The following MEIKIN variants were observed in gnomAD, a reference collection of about 807,000 sequenced individuals.
The protein encoded by MEIKIN is meiosis-specific kinetochore protein.
chr5:131,905,865 ACAGAAATTAACT>A (rs1479212010), intron 8 of MEIKIN, among the ~76,000 whole-genome samples: 1 of 152,200 alleles, frequency 6.6e-6, no homozygotes, highest in Non-Finnish European at 1.5e-5. Context: ...TACACCATAA[ACAGAAATTAACT>A]CAAGATGGAT....
intron 5 of MEIKIN, among the ~76,000 whole-genome samples, chr5:131,923,436 T>C (rs1751539014): frequency 1.3e-5 from 2 of 152,118 alleles, no homozygotes; most frequent in African/African-American, 4.8e-5. Flanking sequence ...ACTCCTATTA[T>C]TTGATGTTGG....
chr5:131,905,533 C>A (rs1245697715), intron 8 of MEIKIN, among the ~76,000 whole-genome samples: 1 of 151,734 alleles, frequency 6.6e-6, no homozygotes, highest in Non-Finnish European at 1.5e-5. Flanking sequence ...TCTGATAGAC[C>A]ACTAGCTAGA....
intron 5 of MEIKIN, among the ~76,000 whole-genome samples, chr5:131,925,226 A>C (rs1420649109): frequency 6.6e-6 from 1 of 152,114 alleles, no homozygotes; most frequent in Non-Finnish European, 1.5e-5. Context: ...TGATGTTCCT[A>C]CTTTGTTCTT....
chr5:131,835,669 CT>C (rs1749793271), intron 11 of MEIKIN, among the ~76,000 whole-genome samples: 1 of 152,186 alleles, frequency 6.6e-6, no homozygotes, highest in Admixed American at 6.5e-5. Flanking sequence ...TCTTGGCTCA[CT>C]GCAAGTTCCA....
chr5:131,943,109 T>C (rs1192389208), intron 3 of MEIKIN, among the ~76,000 whole-genome samples: 1 of 152,016 alleles, frequency 6.6e-6, no homozygotes, highest in Non-Finnish European at 1.5e-5. Context: ...AATATGGAAA[T>C]ATTGGTTATA....
intron 9 of MEIKIN, among the ~76,000 whole-genome samples, chr5:131,864,033 C>A (rs1299756120): frequency 1.3e-5 from 2 of 152,030 alleles, no homozygotes; most frequent in Non-Finnish European, 2.9e-5. Flanking sequence ...ATTCACCATT[C>A]CTTTGAGTCT....
In MEIKIN at chr5:131,818,859, G is replaced by A. The variant is rs758977773; in HGVS notation, c.980C>T (p.Pro327Leu). The part of the protein sequence containing the change: ...SLQENSSNEF[P>L]ANASEICCII... Reference sequence around the variant, plus strand: ...ACAACATATTTCTGATGCATTTGCAGGAAACTGGAAAAGAAAAAAAGCAGA... The same window carrying A: ...ACAACATATTTCTGATGCATTTGCAAGAAACTGGAAAAGAAAAAAAGCAGA... The change falls in exon 12 of 13, where the codon CCT becomes CTT. Residue 327 changes from proline (P) to leucine (L), a missense_variant. Coordinates refer to ENST00000442687, the MANE Select transcript of MEIKIN (RefSeq NM_001303622.2). The A allele has an allele frequency of 2.0e-5, 8 of 397,468 alleles. No homozygotes were observed. Among genetic ancestry groups the A allele is most frequent in the South Asian group, 1.3e-4 (1 of 7,838 alleles). 24.6% of individuals were successfully genotyped at this position (397,468 alleles called of 1,614,324 possible). A position where few individuals can be genotyped will look rare whatever the true frequency, so the allele number is the denominator to read the frequency against.
chr5:131,878,832 A>G (rs1403865588), intron 9 of MEIKIN, 146 bp downstream of exon 9: 1 of 376,040 alleles, frequency 2.7e-6, no homozygotes, highest in Non-Finnish European at 4.7e-6. Flanking sequence ...CTATGATCAC[A>G]GCACTGAACT....
intron 9 of MEIKIN, among the ~76,000 whole-genome samples, chr5:131,871,547 C>T (rs1320849165): frequency 1.3e-5 from 2 of 152,250 alleles, no homozygotes; most frequent in East Asian, 3.8e-4. Context: ...GGCCTGCCTG[C>T]CTCTGTAGGC....
At chr5:131,831,845 T>A (rs1464090977) in intron 11 of MEIKIN, among the ~76,000 whole-genome samples, 6 of 152,116 alleles carry the variant, frequency 3.9e-5, no homozygotes, top group Non-Finnish European at 8.8e-5. Flanking sequence ...GATAAACTCA[T>A]CAGATCTTGT....
At chr5:131,883,512 T>C (rs1387258629) in intron 8 of MEIKIN, among the ~76,000 whole-genome samples, 1 of 152,232 alleles carries the variant, frequency 6.6e-6, no homozygotes, top group Non-Finnish European at 1.5e-5. Context: ...CAACCATTTC[T>C]GAATTTCTTA....
Position 131,867,183 on chromosome 5 carries a change from A to G in MEIKIN, c.774+11795T>C, listed in dbSNP as rs531979543. Among the ~76,000 whole-genome samples, 320 of 152,266 alleles carry G rather than the reference A, an allele frequency of 2.1e-3. 1 individual carries two copies. Among genetic ancestry groups the G allele is most frequent in the African/African-American group, 7.3e-3 (304 of 41,544 alleles). ...AGTTTCCTTCATGATTCCAAATTCAACTGACTTTTTAAAAAAAATTAATGA... is the reference window on the plus strand; with the variant it reads ...AGTTTCCTTCATGATTCCAAATTCAGCTGACTTTTTAAAAAAAATTAATGA... On this transcript the variant is annotated intron_variant, in intron 9 of 12. Transcript: ENST00000442687.
chr5:131,938,134 T>C (rs1751812781), intron 4 of MEIKIN, among the ~76,000 whole-genome samples: 1 of 151,750 alleles, frequency 6.6e-6, no homozygotes, highest in Non-Finnish European at 1.5e-5. Flanking sequence ...TGAGATATAA[T>C]TCACATGCCA....
intron 10 of MEIKIN, 89 bp downstream of exon 10, chr5:131,854,665 C>T (rs1750165839): frequency 2.5e-6 from 1 of 394,220 alleles, no homozygotes; most frequent in African/African-American, 2.1e-5. Flanking sequence ...TCTCCATAGG[C>T]AATATTTCCC....
At chr5:131,851,500 T>C (rs1354970530) in intron 10 of MEIKIN, 117 bp from the exon 11 acceptor site, 3 of 390,728 alleles carry the variant, frequency 7.7e-6, no homozygotes, top group Non-Finnish European at 1.4e-5. Context: ...TCCTGTAAAC[T>C]TGACACAGGA....
chr5:131,823,073 CCCCAT>C (rs1749547479), intron 11 of MEIKIN, among the ~76,000 whole-genome samples: 1 of 151,740 alleles, frequency 6.6e-6, no homozygotes, highest in African/African-American at 2.4e-5. Flanking sequence ...CGTATTACAG[CCCCAT>C]TTTACGTTGT....
intron 8 of MEIKIN, among the ~76,000 whole-genome samples, chr5:131,884,218 A>T (rs1750740444): frequency 6.6e-6 from 1 of 152,140 alleles, no homozygotes; most frequent in Non-Finnish European, 1.5e-5. Context: ...CAAGGCAGCT[A>T]AGGGAGTGCT....
At chr5:131,815,085 T>G (rs1398588390) in intron 12 of MEIKIN, among the ~76,000 whole-genome samples, 1 of 151,212 alleles carries the variant, frequency 6.6e-6, no homozygotes, top group Non-Finnish European at 1.5e-5. Flanking sequence ...TCTGCCAAAA[T>G]TGTCATCCAT....
At chr5:131,869,693 T>C (rs2149623665) in intron 9 of MEIKIN, among the ~76,000 whole-genome samples, 1 of 152,346 alleles carries the variant, frequency 6.6e-6, no homozygotes, top group East Asian at 1.9e-4. Flanking sequence ...GAAGACCTGA[T>C]GGCAGAACTC....
Sources: gnomAD v4.1 joint callset for allele counts (sites outside exome capture counted in the v4.1 genomes callset) on GRCh38, gnomAD v4.1.1 for gene constraint, MANE v1.5 for transcripts, NCBI Gene and HGNC (gene_info 2026-07-23, HGNC 2026-07-21) for gene names.